Variants in ST14 observed in about 807,000 individuals in gnomAD.
ST14 encodes ST14 transmembrane serine protease matriptase.
A neutral mutation model predicts 96.5 loss-of-function variants in ST14; 40 were observed. That is an observed-to-expected ratio of 0.41 (90% confidence interval 0.32 to 0.54). The LOEUF is 0.54. ST14 is among the 20% of genes least tolerant of loss of function. ST14 has a pLI of 0.17. For missense variants in ST14, 1,066 were observed against 1,188.9 expected, an observed-to-expected ratio of 0.90 and a Z score of 1.52; for synonymous variants, 506 against 492.1, an observed-to-expected ratio of 1.03 and a Z score of -0.37.
At position 130,205,699 on chromosome 11, in the gene ST14, G is replaced by GTTT. The variant is rs34790396; in HGVS notation, c.1995-2702_1995-2700dup. 1.5e-3 allele frequency among the ~76,000 whole-genome samples: 143 copies of GTTT among 94,636 alleles called. 13 individuals carry two copies. The highest frequency in any genetic ancestry group is 2.7e-3 in the African/African-American group (69 of 25,142). 62.1% of individuals were successfully genotyped at this position (94,636 alleles called of 152,430 possible). ...ATGCCCATCATGTTCTTCTTTAGAC[G>GTTT]TTTTTTTTTTTGTTTTTTTTTTTGA... On this transcript the variant is annotated intron_variant, in intron 16 of 18. Transcript: ENST00000278742.
At chr11:130,194,336 G>A (rs577073560) in intron 8 of ST14, 48 bp downstream of exon 8, 71 of 1,612,132 alleles carry the variant, frequency 4.4e-5, no homozygotes, top group South Asian at 2.6e-4. Context: ...CCACAGAGAA[G>A]GGGAAGGCCT....
At chr11:130,161,204 C>T (rs1317914901) in intron 1 of ST14, among the ~76,000 whole-genome samples, 1 of 152,208 alleles carries the variant, frequency 6.6e-6, no homozygotes. Context: ...CTGCTATTTT[C>T]TCCACTTTTC....
At chr11:130,192,484 G>GT (rs1953314336) in intron 7 of ST14, among the ~76,000 whole-genome samples, 1 of 152,212 alleles carries the variant, frequency 6.6e-6, no homozygotes, top group South Asian at 2.1e-4. Flanking sequence ...CGCCTCCTGG[G>GT]TTCATGCGAT....
rs902387173 is a variant in ST14, at chr11:130,188,524, A to T, written c.242-6A>T. 6.2e-7 allele frequency: 1 copy of T among 1,613,508 alleles called. No homozygotes were observed. The highest frequency in any genetic ancestry group is 1.3e-5 in the African/African-American group (1 of 74,934). The stretch of plus-strand genomic sequence containing the variant: ...CCCTGACTGAGCGCCTTCTGGTCTC[A>T]CACAGACCGGGACGTGCGTGTCCAG... On this transcript the variant is annotated splice_region_variant and splice_polypyrimidine_tract_variant and intron_variant, in intron 2 of 18. Transcript: ENST00000278742. This position sits in a 1 kb window ranked among gnomAD's most constrained non-coding sequence, Gnocchi z 5.4.
Position 130,188,732 on chromosome 11 carries a change from C to G in ST14, c.369+75C>G. 1 of 1,611,836 alleles carries G rather than the reference C, an allele frequency of 6.2e-7. No homozygotes were observed. Among genetic ancestry groups the G allele is most frequent in the African/African-American group, 1.3e-5 (1 of 75,002 alleles). The stretch of plus-strand genomic sequence containing the variant: ...CACCTGCTGGGCAGGAGGGACATGC[C>G]TCGCCTGTGCTCCCAGGGCCCTGGG... On this transcript the variant is annotated intron_variant, in intron 3 of 18. Transcript: ENST00000278742. The surrounding 1 kb of genome is among the most constrained non-coding windows in gnomAD (Gnocchi z 5.4).
intron 1 of ST14, among the ~76,000 whole-genome samples, chr11:130,176,821 C>T (rs1345116753): frequency 2.5e-4 from 23 of 92,568 alleles, no homozygotes; most frequent in Admixed American, 7.2e-4. Flanking sequence ...TTTTTTGAGA[C>T]GGAGTCTCAC....
In ST14 at chr11:130,159,929, G is replaced by T; in HGVS notation, c.-51G>T. The T allele has an allele frequency of 8.6e-7, 1 of 1,165,968 alleles. No homozygotes were observed. Among genetic ancestry groups the T allele is most frequent in the Non-Finnish European group, 1.1e-6 (1 of 920,808 alleles). 72.2% of individuals were successfully genotyped at this position (1,165,968 alleles called of 1,614,324 possible). On this transcript the variant is annotated 5_prime_UTR_variant, in exon 1 of 19. Coordinates refer to ENST00000278742, the MANE Select transcript of ST14 (RefSeq NM_021978.4). Reference sequence around the variant, plus strand: ...CCGCGCCCTGCGGGCCATGGGAGCCGGCCGCCGGCAGGGACGACGCCTGTG... The same window carrying T: ...CCGCGCCCTGCGGGCCATGGGAGCCTGCCGCCGGCAGGGACGACGCCTGTG...
At chr11:130,183,857 T>A (rs1953215430) in intron 1 of ST14, among the ~76,000 whole-genome samples, 1 of 152,196 alleles carries the variant, frequency 6.6e-6, no homozygotes, top group African/African-American at 2.4e-5. Context: ...CTGTTTGTAA[T>A]GGCCTGAAAT....
chr11:130,190,419 C>T (rs1342275410), intron 6 of ST14, 35 bp from the exon 7 acceptor site: 1 of 1,603,958 alleles, frequency 6.2e-7, no homozygotes. Flanking sequence ...CCAGCCCTGC[C>T]CCCACACGTG....
intron 1 of ST14, among the ~76,000 whole-genome samples, chr11:130,160,901 A>G (rs1952994053): frequency 6.6e-6 from 1 of 152,188 alleles, no homozygotes; most frequent in African/African-American, 2.4e-5. Context: ...CTGGAAGGCC[A>G]GGGCATACCA....
intron 1 of ST14, among the ~76,000 whole-genome samples, chr11:130,177,909 C>T (rs1014150969): frequency 2.6e-5 from 4 of 152,216 alleles, no homozygotes; most frequent in African/African-American, 4.8e-5. Context: ...ATGAGCGGTG[C>T]GAGGTCCTAA....
intron 16 of ST14, among the ~76,000 whole-genome samples, chr11:130,201,484 G>A (rs1212194621): frequency 6.6e-6 from 1 of 152,270 alleles, no homozygotes; most frequent in Non-Finnish European, 1.5e-5. Context: ...TCAGACCCAT[G>A]CACAGGGCTT....
intron 4 of ST14, chr11:130,189,411 C>G: frequency 2.1e-6 from 1 of 479,628 alleles, no homozygotes; most frequent in Non-Finnish European, 3.8e-6. Context: ...GTTCCTTTCT[C>G]AGGTCAGAAA....
At chr11:130,161,121 G>A (rs1391362364) in intron 1 of ST14, among the ~76,000 whole-genome samples, 4 of 152,152 alleles carry the variant, frequency 2.6e-5, no homozygotes, top group African/African-American at 7.2e-5. Context: ...TCCCGACCTA[G>A]GGAGCTTGCA....
At chr11:130,165,411 G>A (rs1273312947) in intron 1 of ST14, among the ~76,000 whole-genome samples, 2 of 152,126 alleles carry the variant, frequency 1.3e-5, no homozygotes, top group East Asian at 3.9e-4. Context: ...GTGTGTTTGG[G>A]GTTTGCTCAG....
In ST14 at chr11:130,188,182, T is replaced by C. The variant is rs761583950; in HGVS notation, c.150T>C (p.His50=). ...PVNNVKKVEK[H]GPGRWVVLAA... ...ACAACGTCAAGAAGGTGGAAAAGCA[T>C]GGCCCGGGGCGCTGGGTGGTGCTGG... Residue 50 remains histidine, a synonymous_variant, in exon 2 of 19, where the codon CAT becomes CAC. Coordinates refer to ENST00000278742, the MANE Select transcript of ST14 (RefSeq NM_021978.4). This position sits in a 1 kb window ranked among gnomAD's most constrained non-coding sequence, Gnocchi z 5.4. 69 of 1,614,066 alleles carry C rather than the reference T, an allele frequency of 4.3e-5. 1 individual carries two copies. In the East Asian group the frequency reaches 1.5e-3, roughly 35 times the overall value.
In ST14 at chr11:130,189,481, T is replaced by C; in HGVS notation, c.441-258T>C. The C allele has an allele frequency of 7.1e-6, 4 of 562,238 alleles. No homozygotes were observed. The East Asian group carries it at 1.2e-4, about 17-fold the overall frequency. 34.8% of individuals were successfully genotyped at this position (562,238 alleles called of 1,614,324 possible). ...GCTTGTGGCCAAACTCCAATGGGTT[T>C]CCCCTCCTCATTCCTACCCCTGAGC... On this transcript the variant is annotated intron_variant, in intron 4 of 18. Coordinates refer to ENST00000278742, the MANE Select transcript of ST14 (RefSeq NM_021978.4).
intron 1 of ST14, among the ~76,000 whole-genome samples, chr11:130,183,291 G>A (rs1254017328): frequency 4.6e-5 from 7 of 152,186 alleles, no homozygotes; most frequent in Admixed American, 4.6e-4. Context: ...CACATACATG[G>A]TCTGTTCAGA....
chr11:130,191,537 A>G (rs1953299623), intron 7 of ST14, among the ~76,000 whole-genome samples: 1 of 151,718 alleles, frequency 6.6e-6, no homozygotes, highest in Admixed American at 6.6e-5. Context: ...TAAAAATACA[A>G]AAATCAGCTG....
Sources: gnomAD v4.1 joint callset for allele counts (sites outside exome capture counted in the v4.1 genomes callset) on GRCh38, gnomAD v4.1.1 for gene constraint, Gnocchi (gnomAD v3.1) non-coding constraint, MANE v1.5 for transcripts, NCBI Gene and HGNC (gene_info 2026-07-23, HGNC 2026-07-21) for gene names.